Variants in COL21A1 observed in about 807,000 individuals in gnomAD.
COL21A1 encodes the protein collagen type XXI alpha 1 chain.
COL21A1 carries 149 observed loss-of-function variants against 137.9 expected under a neutral mutation model. That is an observed-to-expected ratio of 1.08 (90% CI 0.95 to 1.24). The LOEUF is 1.24. COL21A1 is among the 50% of genes most tolerant of loss of function. The pLI, the probability that COL21A1 is intolerant of heterozygous loss-of-function variation, is 0.00. For synonymous variants in COL21A1, 456 were observed against 391.5 expected (o/e 1.16, Z -1.95); for missense variants, 1,167 against 1,158.4 (o/e 1.01, Z -0.11).
intron 14 of COL21A1, among the ~76,000 whole-genome samples, chr6:56,124,527 A>G (rs1487035687): frequency 6.6e-6 from 1 of 152,376 alleles, no homozygotes; most frequent in East Asian, 1.9e-4. Flanking sequence ...AAACATAGAA[A>G]TAACATCTTG....
intron 17 of COL21A1, among the ~76,000 whole-genome samples, chr6:56,078,857 C>A (rs1767479638): frequency 6.6e-6 from 1 of 151,208 alleles, no homozygotes; most frequent in South Asian, 2.1e-4. Context: ...AAAGACAGGC[C>A]TTTATAAACG....
intron 1 of COL21A1, among the ~76,000 whole-genome samples, chr6:56,356,777 C>A (rs1227020537): frequency 6.6e-6 from 1 of 152,150 alleles, no homozygotes; most frequent in African/African-American, 2.4e-5. Flanking sequence ...ATGGAGGAGC[C>A]CTGCTGCCCA....
At chr6:56,349,522 A>G (rs924466250) in intron 1 of COL21A1, among the ~76,000 whole-genome samples, 1 of 152,210 alleles carries the variant, frequency 6.6e-6, no homozygotes, top group Admixed American at 6.5e-5. Context: ...CCAAAGTGGC[A>G]ATAGGTATAT....
At chr6:56,105,232 TG>T (rs1490847490) in intron 16 of COL21A1, among the ~76,000 whole-genome samples, 3 of 152,176 alleles carry the variant, frequency 2.0e-5, no homozygotes, top group African/African-American at 7.2e-5. Flanking sequence ...TCTTTGAACC[TG>T]ATGTTATGCA....
intron 16 of COL21A1, among the ~76,000 whole-genome samples, chr6:56,120,983 T>A (rs1307726343): frequency 6.6e-6 from 1 of 152,062 alleles, no homozygotes; most frequent in Non-Finnish European, 1.5e-5. Flanking sequence ...AACAGATGAA[T>A]GAAGAAAATG....
intron 1 of COL21A1, among the ~76,000 whole-genome samples, chr6:56,359,765 G>C (rs550956996): frequency 5.1e-4 from 77 of 152,254 alleles, no homozygotes; most frequent in African/African-American, 1.8e-3. Flanking sequence ...TTTTGGCAGA[G>C]AGATCCTTTG....
chr6:56,155,729 G>A lies in COL21A1; in HGVS notation c.1434+1158C>T, dbSNP rs147564923. Among the ~76,000 whole-genome samples the A allele has an allele frequency of 4.6e-3, 694 of 152,236 alleles. 10 individuals carry two copies. Among genetic ancestry groups the A allele is most frequent in the African/African-American group, 0.016 (665 of 41,524 alleles). ...TTGTGCCTCAGCCTCTTAAGTAGCT[G>A]GGATTATAGGTGTGTGCCACCACAC... On this transcript the variant is annotated intron_variant, in intron 10 of 29. Transcript: ENST00000244728.
intron 12 of COL21A1, among the ~76,000 whole-genome samples, chr6:56,139,281 G>T (rs1347510173): frequency 6.6e-6 from 1 of 152,118 alleles, no homozygotes; most frequent in Non-Finnish European, 1.5e-5. Context: ...CCAACCACAT[G>T]CATGTCCTCA....
At chr6:56,336,198 A>G (rs2152344353) in intron 1 of COL21A1, among the ~76,000 whole-genome samples, 1 of 152,264 alleles carries the variant, frequency 6.6e-6, no homozygotes, top group South Asian at 2.1e-4. Flanking sequence ...TGACCAAATC[A>G]AGACCTCTGG....
At chr6:56,325,551 A>ATC (rs1456808490) in intron 1 of COL21A1, among the ~76,000 whole-genome samples, 1 of 14,658 alleles carries the variant, frequency 6.8e-5, no homozygotes, top group African/African-American at 1.9e-4. Flanking sequence ...TATAATACAT[A>ATC]TATAATATAT....
At chr6:56,283,565 G>A (rs7744737) in intron 1 of COL21A1, among the ~76,000 whole-genome samples, 2,630 of 152,182 alleles carry the variant, frequency 0.017, 30 homozygotes, top group South Asian at 0.024. Flanking sequence ...AATATGTACT[G>A]TTTTTTAAAG....
At chr6:56,353,396 G>A (rs1275382675) in intron 1 of COL21A1, among the ~76,000 whole-genome samples, 1 of 152,016 alleles carries the variant, frequency 6.6e-6, no homozygotes, top group African/African-American at 2.4e-5. Context: ...ACCACTTCCA[G>A]CTTCCAGCTA....
At chr6:56,387,579 T>G (rs761665658) in intron 1 of COL21A1, among the ~76,000 whole-genome samples, 1 of 152,102 alleles carries the variant, frequency 6.6e-6, no homozygotes, top group Non-Finnish European at 1.5e-5. Context: ...CCCTCCTCAG[T>G]GCTATACATG....
At chr6:56,252,552 C>CAGGT (rs1214567099), upstream of COL21A1, among the ~76,000 whole-genome samples, 1 of 152,114 alleles carries the variant, frequency 6.6e-6, no homozygotes, top group Admixed American at 6.5e-5. Context: ...CTGCAGAGAC[C>CAGGT]AGGTATCAGG....
chr6:56,374,044 A>C (rs2093994738), intron 1 of COL21A1, among the ~76,000 whole-genome samples: 1 of 152,210 alleles, frequency 6.6e-6, no homozygotes, highest in South Asian at 2.1e-4. Context: ...TGTCTCTTCC[A>C]GTGTGTACAT....
chr6:56,164,090 AC>A (rs1243414642), intron 9 of COL21A1, among the ~76,000 whole-genome samples: 1 of 152,216 alleles, frequency 6.6e-6, no homozygotes, highest in African/African-American at 2.4e-5. Flanking sequence ...CCATGTCTTC[AC>A]AAATGCCCTT....
chr6:56,061,115 A>G, intron 25 of COL21A1, 78 bp from the exon 26 acceptor site: 1 of 1,199,470 alleles, frequency 8.3e-7, no homozygotes, highest in Non-Finnish European at 1.2e-6. Context: ...CTCGTTAAGG[A>G]TGTGAATATG....
chr6:56,179,869 CTG>C lies in COL21A1; in HGVS notation c.347_348del (p.Thr116ArgfsTer21). The C allele has an allele frequency of 6.2e-7, 1 of 1,613,972 alleles. No individual in the cohort carries two copies. Among genetic ancestry groups the C allele is most frequent in the East Asian group, 2.2e-5 (1 of 44,880 alleles). On this transcript the variant is annotated frameshift_variant, in exon 3 of 30. Transcript: ENST00000244728. LOFTEE classifies it high-confidence loss of function. Reference protein sequence around the residue: ...SILYLGGNTKTGKAIQFALDY... With the variant: ...SILYLGGNTKXGKAIQFALDY... Reference sequence around the variant, plus strand: ...TCGAGCGCAAACTGGATGGCCTTCCCTGTCTTTGTGTTTCCTCCTAAGTAGAG... The same window carrying C: ...TCGAGCGCAAACTGGATGGCCTTCCCTCTTTGTGTTTCCTCCTAAGTAGAG...
chr6:56,241,988 C>T (rs1270185116), intron 1 of COL21A1, among the ~76,000 whole-genome samples: 3 of 152,264 alleles, frequency 2.0e-5, no homozygotes, highest in East Asian at 3.9e-4. Flanking sequence ...ATCCCCTTTA[C>T]CTAAGATAGC....
Sources: gnomAD v4.1 joint callset for allele counts (sites outside exome capture counted in the v4.1 genomes callset) on GRCh38, gnomAD v4.1.1 for gene constraint, MANE v1.5 for transcripts, NCBI Gene and HGNC (gene_info 2026-07-23, HGNC 2026-07-21) for gene names.